Variants in IPO7 observed in about 807,000 individuals in gnomAD.
The protein encoded by IPO7 is importin-7.
In IPO7, 13 loss-of-function variants were observed where a neutral mutation model predicts 136.4. The observed-to-expected ratio is 0.10, with a 90% CI of 0.06 to 0.15. IPO7 has a LOEUF of 0.15. Ranked by LOEUF, IPO7 falls within the 10% of genes least tolerant of loss-of-function variation. The pLI, the probability that IPO7 is intolerant of heterozygous loss-of-function variation, is 1.00. For synonymous variants in IPO7, 403 were observed against 404.4 expected (o/e 1.00, Z 0.04); for missense variants, 857 against 1,240.6 (o/e 0.69, Z 4.65).
Position 9,440,647 on chromosome 11 carries a change from A to G in IPO7, c.2888A>G (p.Lys963Arg). Reference protein sequence around the residue: ...DNPVDEYQIFKAIFQTIQNRN... With the variant: ...DNPVDEYQIFRAIFQTIQNRN... Reference sequence around the variant, plus strand: ...CCTGTTGATGAGTATCAGATATTTAAAGCTATCTTTCAAAGTAAGTCAACT... The same window carrying G: ...CCTGTTGATGAGTATCAGATATTTAGAGCTATCTTTCAAAGTAAGTCAACT... Residue 963 changes from lysine to arginine, a missense_variant, in exon 23 of 25, where the codon AAA (lysine) becomes AGA (arginine). Physicochemically the swap from Lys to Arg is conservative, Grantham distance 26. Transcript: ENST00000379719. The G allele has an allele frequency of 6.2e-7, 1 of 1,610,656 alleles. No individual in the cohort carries two copies. The highest frequency in any genetic ancestry group is 1.1e-5 in the South Asian group (1 of 91,028).
intron 23 of IPO7, among the ~76,000 whole-genome samples, chr11:9,441,287 T>C (rs1334768622): frequency 6.6e-6 from 1 of 152,182 alleles, no homozygotes; most frequent in Non-Finnish European, 1.5e-5. Flanking sequence ...TAATGTGTCA[T>C]TGTATGTGGC....
chr11:9,413,137 C>T (rs1382188857), intron 4 of IPO7, among the ~76,000 whole-genome samples: 1 of 152,112 alleles, frequency 6.6e-6, no homozygotes, highest in Admixed American at 6.6e-5. Context: ...CTCGGCCTCC[C>T]AAAGTGCTAG....
intron 1 of IPO7, among the ~76,000 whole-genome samples, chr11:9,393,484 G>A (rs1242953043): frequency 2.0e-5 from 3 of 152,180 alleles, no homozygotes; most frequent in Admixed American, 6.5e-5. Context: ...GGTTCAAGCA[G>A]TTCTCCTGCC....
intron 6 of IPO7, among the ~76,000 whole-genome samples, chr11:9,418,231 G>C (rs2133745493): frequency 6.7e-6 from 1 of 149,804 alleles, no homozygotes; most frequent in Admixed American, 6.7e-5. Context: ...CACCATGCCT[G>C]GCTAACTTTT....
intron 2 of IPO7, among the ~76,000 whole-genome samples, chr11:9,404,673 C>G (rs1202495910): frequency 1.4e-5 from 2 of 147,234 alleles, no homozygotes; most frequent in Non-Finnish European, 3.0e-5. Flanking sequence ...TCACGCCGTT[C>G]TTCTGCCTCA....
At chr11:9,420,248 C>T (rs1201623736) in intron 6 of IPO7, 163 bp from the exon 7 acceptor site, 6 of 526,660 alleles carry the variant, frequency 1.1e-5, no homozygotes, top group Middle Eastern at 5.0e-4. Context: ...ACTCGGGAGG[C>T]GGAGCTTGCA....
At chr11:9,398,951 T>A (rs897293033) in intron 1 of IPO7, among the ~76,000 whole-genome samples, 7 of 152,108 alleles carry the variant, frequency 4.6e-5, no homozygotes, top group Non-Finnish European at 8.8e-5. Context: ...AAAATGAGGC[T>A]GAAGAAAATG....
intron 6 of IPO7, among the ~76,000 whole-genome samples, chr11:9,418,014 A>G (rs918998429): frequency 1.3e-4 from 19 of 151,614 alleles, no homozygotes; most frequent in African/African-American, 4.3e-4. Context: ...TGCCCGGCCT[A>G]TAGTCTAGTT....
intron 22 of IPO7, 36 bp from the exon 23 acceptor site, chr11:9,440,419 C>T (rs1420404750): frequency 6.6e-7 from 1 of 1,508,942 alleles, no homozygotes; most frequent in African/African-American, 1.4e-5. Context: ...CAAAATATGT[C>T]ATTGTTATAA....
intron 19 of IPO7, among the ~76,000 whole-genome samples, chr11:9,435,876 A>G (rs1482665185): frequency 6.6e-6 from 1 of 152,156 alleles, no homozygotes; most frequent in African/African-American, 2.4e-5. Context: ...TTTAAAGAGA[A>G]AAGGGTTTCC....
chr11:9,425,423 A>G (rs1352593027), intron 12 of IPO7, 161 bp downstream of exon 12: 3 of 602,184 alleles, frequency 5.0e-6, no homozygotes, highest in Admixed American at 2.9e-5. Flanking sequence ...CCTGGGCAAC[A>G]TAGTGATACC....
At chr11:9,414,436 T>C in intron 5 of IPO7, 25 bp downstream of exon 5, 2 of 1,493,368 alleles carry the variant, frequency 1.3e-6, no homozygotes, top group South Asian at 1.3e-5. Flanking sequence ...GCAGTTTTTA[T>C]GCATAAAAAG....
intron 2 of IPO7, among the ~76,000 whole-genome samples, chr11:9,404,563 A>ATT (rs545909983): frequency 5.9e-4 from 68 of 114,616 alleles, no homozygotes; most frequent in African/African-American, 1.7e-3. Flanking sequence ...CGGTCTTCGG[A>ATT]TTTTTTTTTT....
At chr11:9,405,427 T>A (rs938103571) in intron 2 of IPO7, among the ~76,000 whole-genome samples, 3 of 151,900 alleles carry the variant, frequency 2.0e-5, no homozygotes, top group Non-Finnish European at 4.4e-5. Context: ...GCCCTGCCTC[T>A]GCCTCCCAAA....
At chr11:9,397,365 T>TATATATATATATATA (rs1564992067) in intron 1 of IPO7, among the ~76,000 whole-genome samples, 29 of 94,728 alleles carry the variant, frequency 3.1e-4, no homozygotes, top group East Asian at 3.9e-4. Flanking sequence ...TATATATATA[T>TATATATATATATATA]TAGTCGGGCA....
chr11:9,392,335 G>A (rs564892632), intron 1 of IPO7: 3 of 277,536 alleles, frequency 1.1e-5, no homozygotes, highest in Admixed American at 9.6e-5. Context: ...GCATTACCAC[G>A]TCCGGCTAAT....
At chr11:9,408,044 A>G (rs939769529) in intron 2 of IPO7, among the ~76,000 whole-genome samples, 5 of 152,134 alleles carry the variant, frequency 3.3e-5, no homozygotes, top group Non-Finnish European at 7.4e-5. Flanking sequence ...AAGAACCTTT[A>G]TATGCTATTA....
In IPO7 at chr11:9,438,066, T is replaced by TG. The variant is rs751698886; in HGVS notation, c.2490-14_2490-13insG. The TG allele has an allele frequency of 2.6e-6, 3 of 1,151,604 alleles. No individual in the cohort carries two copies. The highest frequency in any genetic ancestry group is 5.3e-5 in the East Asian group (2 of 37,502). 71.3% of individuals were successfully genotyped at this position (1,151,604 alleles called of 1,614,324 possible). A position where few individuals can be genotyped will look rare whatever the true frequency, so the allele number is the denominator to read the frequency against. On this transcript the variant is annotated splice_polypyrimidine_tract_variant and intron_variant, in intron 21 of 24. Transcript: ENST00000379719. ...AACAGTTTTTTTTTTTTTTTTTTTT[T>TG]TTTTTTTTTTTAGGCTTCATGACAG...
Position 9,437,762 on chromosome 11 carries a change from C to G in IPO7, c.2277C>G (p.Pro759=), listed in dbSNP as rs1235322407. 1 of 1,611,316 alleles carries G rather than the reference C, an allele frequency of 6.2e-7. No individual in the cohort carries two copies. Among genetic ancestry groups the G allele is most frequent in the African/African-American group, 1.3e-5 (1 of 74,840 alleles). The change falls in exon 21 of 25, where the codon CCC becomes CCG. Residue 759 remains proline, a synonymous_variant. Coordinates refer to ENST00000379719, the MANE Select transcript of IPO7 (RefSeq NM_006391.3). ...CKGRGIDQCI[P]LFVEAALERL... is the part of the protein sequence containing the mutation. ...GCTATCTTTTTTTGTAGTGCATTCC[C>G]TTATTCGTGGAAGCAGCCTTAGAAA... is the stretch of plus-strand genomic sequence containing the variant.
Sources: gnomAD v4.1 joint callset for allele counts (sites outside exome capture counted in the v4.1 genomes callset) on GRCh38, gnomAD v4.1.1 for gene constraint, MANE v1.5 for transcripts, NCBI Gene and HGNC (gene_info 2026-07-23, HGNC 2026-07-21) for gene names.